The following FHIP1A variants were observed in gnomAD, a reference collection of about 807,000 sequenced individuals.
The protein encoded by FHIP1A is FHF complex subunit HOOK-interacting protein 1A.
A neutral mutation model predicts 88.6 loss-of-function variants in FHIP1A; 61 were observed. The ratio of observed to expected loss-of-function variants is 0.69; its 90% CI spans 0.56 to 0.85. FHIP1A has a LOEUF of 0.85. Ranked by LOEUF, FHIP1A falls within the 40% of genes least tolerant of loss-of-function variation. The pLI is 0.00. For synonymous variants in FHIP1A, 478 were observed against 496.0 expected, an observed-to-expected ratio of 0.96 and a Z score of 0.48; for missense variants, 1,154 against 1,273.5, an observed-to-expected ratio of 0.91 and a Z score of 1.43.
At chr4:151,604,059 C>T (rs1734976823) in intron 7 of FHIP1A, among the ~76,000 whole-genome samples, 1 of 152,144 alleles carries the variant, frequency 6.6e-6, no homozygotes, top group African/African-American at 2.4e-5. Context: ...TGACTCCGTA[C>T]CATTCTCATT....
chr4:151,525,936 G>A (rs1036202635), intron 3 of FHIP1A, among the ~76,000 whole-genome samples: 3 of 151,824 alleles, frequency 2.0e-5, no homozygotes, highest in Non-Finnish European at 2.9e-5. Context: ...CTGGGTACTT[G>A]AGATTAGGGA....
intron 7 of FHIP1A, among the ~76,000 whole-genome samples, chr4:151,602,393 A>G (rs1171736487): frequency 3.9e-5 from 6 of 152,180 alleles, no homozygotes; most frequent in African/African-American, 1.4e-4. Context: ...TCCATGGGGA[A>G]ATGAAGGTGG....
chr4:151,431,548 G>T (rs1733592880), intron 1 of FHIP1A, among the ~76,000 whole-genome samples: 1 of 152,048 alleles, frequency 6.6e-6, no homozygotes, highest in Non-Finnish European at 1.5e-5. Flanking sequence ...TTACTTTTCT[G>T]TGTGAGATAG....
rs1466238031 is a variant in FHIP1A at position 151,656,358 on chromosome 4, T to C, written c.2678T>C (p.Phe893Ser). The change falls in exon 12 of 14, where the codon TTT becomes TCT. Residue 893 changes from phenylalanine to serine, a missense_variant. Physicochemically the swap from Phe to Ser is radical, Grantham distance 155. Transcript: ENST00000435205. This position sits in a 1 kb window ranked among gnomAD's most constrained non-coding sequence, Gnocchi z 4.2. ...TACCCCCAGCCACTCCTGCGCTCCT[T>C]TCTGCTCAACACCAACATGGTCTTC... Reference protein sequence around the residue: ...ASYPQPLLRSFLLNTNMVFQP... With the variant: ...ASYPQPLLRSSLLNTNMVFQP... 4.5e-6 allele frequency: 7 copies of C among 1,551,742 alleles called. No individual in the cohort carries two copies. The South Asian group carries it at 8.3e-5, about 18-fold the overall frequency.
intron 3 of FHIP1A, among the ~76,000 whole-genome samples, chr4:151,562,624 T>A (rs1733220675): frequency 6.6e-6 from 1 of 152,188 alleles, no homozygotes; most frequent in African/African-American, 2.4e-5. Context: ...TAGAGAGTAT[T>A]TATTTAAACA....
In FHIP1A at chr4:151,666,512, T is replaced by C. The variant is rs181640087; in HGVS notation, c.*3758T>C. ...GTTAGTTTCTGTCCAGGATAAGACA[T>C]CATGGAGCCAGGGTCTTGTCAGGAA... On this transcript the variant is annotated 3_prime_UTR_variant, in exon 14 of 14. Coordinates refer to ENST00000435205, the MANE Select transcript of FHIP1A (RefSeq NM_001109977.3). Among the ~76,000 whole-genome samples, 202 of 152,330 alleles carry C rather than the reference T, an allele frequency of 1.3e-3. No homozygotes were observed. Among genetic ancestry groups the C allele is most frequent in the Middle Eastern group, 3.4e-3 (1 of 294 alleles).
intron 11 of FHIP1A, among the ~76,000 whole-genome samples, chr4:151,655,858 T>G (rs1560825228): frequency 6.6e-6 from 1 of 152,220 alleles, no homozygotes; most frequent in East Asian, 1.9e-4. Context: ...CATGAGATGA[T>G]GGCTGTCATG....
At chr4:151,457,521 C>G (rs1190222826) in intron 2 of FHIP1A, among the ~76,000 whole-genome samples, 1 of 152,140 alleles carries the variant, frequency 6.6e-6, no homozygotes, top group East Asian at 1.9e-4. Flanking sequence ...TCTCCATGTT[C>G]CAGAACTTAT....
chr4:151,557,027 C>A (rs576775636), intron 3 of FHIP1A, among the ~76,000 whole-genome samples: 13 of 152,028 alleles, frequency 8.6e-5, no homozygotes, highest in Admixed American at 2.6e-4. Flanking sequence ...TTGCCTTATT[C>A]AGTAACATCA....
intron 2 of FHIP1A, among the ~76,000 whole-genome samples, chr4:151,467,246 G>T (rs1284307860): frequency 2.0e-5 from 3 of 152,220 alleles, no homozygotes; most frequent in African/African-American, 7.2e-5. Context: ...CTGATCGTTA[G>T]AGAAATGCAA....
chr4:151,659,449 G>A (rs1296948212), intron 13 of FHIP1A, among the ~76,000 whole-genome samples: 1 of 152,144 alleles, frequency 6.6e-6, no homozygotes, highest in Non-Finnish European at 1.5e-5. Context: ...ATGGTAATGG[G>A]CCAAATATTT....
At chr4:151,583,626 T>C (rs1011438685) in intron 5 of FHIP1A, among the ~76,000 whole-genome samples, 19 of 152,236 alleles carry the variant, frequency 1.2e-4, no homozygotes, top group African/African-American at 4.6e-4. Flanking sequence ...AAGCCTGTCT[T>C]TATGAATTCA....
intron 3 of FHIP1A, among the ~76,000 whole-genome samples, chr4:151,546,900 G>A (rs1334477843): frequency 6.6e-6 from 1 of 152,162 alleles, no homozygotes; most frequent in Non-Finnish European, 1.5e-5. Flanking sequence ...CAAGAGGTAG[G>A]GGGAGATTGA....
chr4:151,455,964 T>G (rs2092323759), intron 2 of FHIP1A, among the ~76,000 whole-genome samples: 2 of 152,192 alleles, frequency 1.3e-5, no homozygotes, highest in Non-Finnish European at 2.9e-5. Context: ...ATAGAAAAAT[T>G]TAATATTTTC....
At chr4:151,452,694 T>C (rs1397569367) in intron 1 of FHIP1A, among the ~76,000 whole-genome samples, 1 of 151,964 alleles carries the variant, frequency 6.6e-6, no homozygotes. Flanking sequence ...TGAGAATTGC[T>C]TGAACCCAGT....
intron 3 of FHIP1A, among the ~76,000 whole-genome samples, chr4:151,487,040 G>A (rs1467723687): frequency 2.6e-5 from 4 of 151,798 alleles, no homozygotes; most frequent in Admixed American, 2.0e-4. Context: ...TTCTTGTTAA[G>A]GAAAAGAGCC....
At chr4:151,448,504 C>T (rs1728685133) in intron 1 of FHIP1A, among the ~76,000 whole-genome samples, 1 of 152,124 alleles carries the variant, frequency 6.6e-6, no homozygotes, top group South Asian at 2.1e-4. Flanking sequence ...AACCACAATT[C>T]TACTTCTCCA....
rs1338025750 is a variant in FHIP1A at position 151,594,806 on chromosome 4, C to CTCA, written c.978+5882_978+5884dup. On this transcript the variant is annotated intron_variant, in intron 7 of 13. Coordinates refer to ENST00000435205, the MANE Select transcript of FHIP1A (RefSeq NM_001109977.3). Reference sequence around the variant, plus strand: ...GCCAGTGTGGTCTCGATCTCCTGACCTCATGATCCTCCCACCTTGGCCTCC... The same window carrying CTCA: ...GCCAGTGTGGTCTCGATCTCCTGACCTCATCATGATCCTCCCACCTTGGCCTCC... Among the ~76,000 whole-genome samples, 7 of 152,134 alleles carry CTCA rather than the reference C, an allele frequency of 4.6e-5. No individual in the cohort carries two copies. The South Asian group carries it at 8.3e-4, about 18-fold the overall frequency.
intron 3 of FHIP1A, among the ~76,000 whole-genome samples, chr4:151,515,739 C>G (rs563223689): frequency 1.5e-4 from 23 of 151,916 alleles, no homozygotes; most frequent in African/African-American, 5.5e-4. Flanking sequence ...ATCCAACTTA[C>G]AAGGGATGTG....
Sources: gnomAD v4.1 joint callset for allele counts (sites outside exome capture counted in the v4.1 genomes callset) on GRCh38, gnomAD v4.1.1 for gene constraint, Gnocchi (gnomAD v3.1) non-coding constraint, MANE v1.5 for transcripts, NCBI Gene and HGNC (gene_info 2026-07-23, HGNC 2026-07-21) for gene names.